The following LRP1B variants were observed in gnomAD, a reference collection of about 807,000 sequenced individuals.
LRP1B encodes the protein LDL receptor related protein 1B.
LRP1B carries 217 observed loss-of-function variants against 556.6 expected under a neutral mutation model. That is an observed-to-expected ratio of 0.39 (90% CI 0.35 to 0.44). The LOEUF is 0.44. Ranked by LOEUF, LRP1B falls within the 20% of genes least tolerant of loss-of-function variation. The probability of loss-of-function intolerance (pLI) is 1.00; values close to 1 mark genes in which losing one functional copy is unlikely to be tolerated. For missense variants in LRP1B, 5,053 were observed against 5,620.8 expected (o/e 0.90, Z 3.23); for synonymous variants, 2,047 against 1,865.8 (o/e 1.10, Z -2.50).
At chr2:142,107,312 T>C (rs932116710) in intron 1 of LRP1B, among the ~76,000 whole-genome samples, 1 of 152,200 alleles carries the variant, frequency 6.6e-6, no homozygotes, top group African/African-American at 2.4e-5. Flanking sequence ...ATAAGGGTTC[T>C]GCCCTCGTTG....
chr2:141,315,252 ATT>A (rs34839276), intron 3 of LRP1B, among the ~76,000 whole-genome samples: 66 of 77,182 alleles, frequency 8.6e-4, no homozygotes, highest in African/African-American at 2.8e-3. Flanking sequence ...AATGATTGTA[ATT>A]TTTTTTTTTT....
chr2:141,286,856 A>G, intron 3 of LRP1B: 1 of 332,126 alleles, frequency 3.0e-6, no homozygotes, highest in Admixed American at 3.0e-5. Context: ...ACTTTCTGTA[A>G]TAATGGAAAT....
At chr2:141,031,071 G>T (rs1046289334) in intron 11 of LRP1B, among the ~76,000 whole-genome samples, 1 of 151,882 alleles carries the variant, frequency 6.6e-6, no homozygotes, top group Non-Finnish European at 1.5e-5. Context: ...GATATGAAAT[G>T]TCTGGTAAAT....
At chr2:141,869,347 A>G (rs959853404) in intron 1 of LRP1B, among the ~76,000 whole-genome samples, 3 of 152,142 alleles carry the variant, frequency 2.0e-5, no homozygotes, top group South Asian at 2.1e-4. Context: ...TATACCTTCT[A>G]TATCTGCTGT....
chr2:140,843,084 TGTTTTTTTTTTTTTTG>T (rs1559151642), intron 29 of LRP1B, among the ~76,000 whole-genome samples: 2 of 21,940 alleles, frequency 9.1e-5, no homozygotes, highest in Non-Finnish European at 2.0e-4. Context: ...TTTTTTTGTT[TGTTTTTTTTTTTTTTG>T]TTTTTTTTTT....
chr2:140,613,598 C>A (rs1683158598), intron 41 of LRP1B, among the ~76,000 whole-genome samples: 1 of 151,292 alleles, frequency 6.6e-6, no homozygotes, highest in African/African-American at 2.4e-5. Flanking sequence ...TTCCTTGGAG[C>A]CTACTTCTCA....
At chr2:140,311,726 T>C (rs537982339) in intron 83 of LRP1B, among the ~76,000 whole-genome samples, 1 of 151,878 alleles carries the variant, frequency 6.6e-6, no homozygotes, top group Non-Finnish European at 1.5e-5. Flanking sequence ...CAGCATTCCC[T>C]AAATATAATT....
chr2:140,327,742 T>A (rs1680566818), intron 79 of LRP1B, among the ~76,000 whole-genome samples: 1 of 152,026 alleles, frequency 6.6e-6, no homozygotes, highest in African/African-American at 2.4e-5. Context: ...TCCAATTTAA[T>A]CAACAATATT....
At chr2:140,432,884 T>G (rs1387854401) in intron 66 of LRP1B, among the ~76,000 whole-genome samples, 1 of 152,200 alleles carries the variant, frequency 6.6e-6, no homozygotes, top group African/African-American at 2.4e-5. Context: ...TTTTTTGTAG[T>G]TGGGATTCAG....
chr2:140,750,013 T>A (rs1688514643), intron 35 of LRP1B, among the ~76,000 whole-genome samples: 1 of 152,118 alleles, frequency 6.6e-6, no homozygotes, highest in African/African-American at 2.4e-5. Context: ...ACCACCTTTG[T>A]GTATGTTGTC....
intron 1 of LRP1B, among the ~76,000 whole-genome samples, chr2:141,981,094 C>T (rs1287787688): frequency 6.6e-6 from 1 of 152,046 alleles, no homozygotes; most frequent in African/African-American, 2.4e-5. Flanking sequence ...AGCAAGTCAG[C>T]ATGTATTTGG....
At chr2:140,924,120 T>C (rs577466186) in intron 20 of LRP1B, among the ~76,000 whole-genome samples, 1 of 152,074 alleles carries the variant, frequency 6.6e-6, no homozygotes, top group South Asian at 2.1e-4. Flanking sequence ...TAGCAGCAAT[T>C]GATATATATA....
At chr2:141,956,937 G>A (rs1701270307) in intron 1 of LRP1B, among the ~76,000 whole-genome samples, 1 of 151,882 alleles carries the variant, frequency 6.6e-6, no homozygotes, top group Non-Finnish European at 1.5e-5. Context: ...CCCAACTAAT[G>A]ACAAAACAAA....
intron 41 of LRP1B, among the ~76,000 whole-genome samples, chr2:140,609,645 G>A (rs560420107): frequency 2.6e-5 from 4 of 152,076 alleles, no homozygotes; most frequent in Non-Finnish European, 5.9e-5. Flanking sequence ...CTAAGCAATC[G>A]TCTTTCAATC....
intron 7 of LRP1B, among the ~76,000 whole-genome samples, chr2:141,119,973 A>G (rs1701004850): frequency 6.6e-6 from 1 of 151,954 alleles, no homozygotes; most frequent in Non-Finnish European, 1.5e-5. Flanking sequence ...TTCAGGATTT[A>G]GAGGAAAAAA....
intron 11 of LRP1B, among the ~76,000 whole-genome samples, chr2:141,030,528 T>C (rs889131889): frequency 2.6e-5 from 4 of 152,080 alleles, no homozygotes; most frequent in Non-Finnish European, 4.4e-5. Context: ...TGATTAACAA[T>C]AAAGATTTAT....
At chr2:140,382,466 C>A (rs1332907705) in intron 67 of LRP1B, among the ~76,000 whole-genome samples, 3 of 152,080 alleles carry the variant, frequency 2.0e-5, no homozygotes, top group Non-Finnish European at 2.9e-5. Context: ...TATTTCCAAA[C>A]CTCTGATCCG....
rs767936493 is a variant in LRP1B at position 140,401,410 on chromosome 2, C to T, written c.10415-15401G>A. ...GCTGCCTGCTATTCCCCATTCCTTG[C>T]GTGAACTCTTCTGTGTAGCCAAGTC... On this transcript the variant is annotated intron_variant, in intron 66 of 90. Transcript: ENST00000389484. Among the ~76,000 whole-genome samples the T allele has an allele frequency of 5.9e-5, 9 of 152,166 alleles. No homozygotes were observed. The East Asian group carries it at 1.2e-3, about 20-fold the overall frequency.
intron 2 of LRP1B, among the ~76,000 whole-genome samples, chr2:141,613,968 G>A (rs1037122300): frequency 4.7e-5 from 7 of 149,538 alleles, no homozygotes; most frequent in African/African-American, 9.8e-5. Context: ...AGCTACTCGG[G>A]AGGCTGAGGC....
Sources: allele counts gnomAD v4.1 joint callset (sites outside exome capture counted in the v4.1 genomes callset), GRCh38; gene constraint gnomAD v4.1.1; transcripts MANE v1.5; gene names NCBI Gene and HGNC (gene_info 2026-07-23, HGNC 2026-07-21).